Variants in AHCYL2 observed in about 807,000 individuals in gnomAD.
AHCYL2 encodes the protein adenosylhomocysteinase like 2.
AHCYL2 carries 28 observed loss-of-function variants against 81.4 expected under a neutral mutation model. The ratio of observed to expected loss-of-function variants is 0.34; its 90% CI spans 0.25 to 0.47. The LOEUF (loss-of-function observed/expected upper bound fraction) is 0.47. Among genes scored for constraint, AHCYL2 ranks in the 20% least tolerant of loss-of-function variants. The probability of loss-of-function intolerance (pLI) is 1.00; values close to 1 mark genes in which losing one functional copy is unlikely to be tolerated. For synonymous variants in AHCYL2, 272 were observed against 290.2 expected (o/e 0.94, Z 0.64); for missense variants, 551 against 785.1 (o/e 0.70, Z 3.56).
chr7:129,233,946 G>A (rs1424938411), intron 1 of AHCYL2, among the ~76,000 whole-genome samples: 1 of 151,944 alleles, frequency 6.6e-6, no homozygotes, highest in East Asian at 1.9e-4. Context: ...CCTTCATTCT[G>A]TCAAGACCAA....
intron 1 of AHCYL2, among the ~76,000 whole-genome samples, chr7:129,331,450 G>A (rs1798417720): frequency 6.6e-6 from 1 of 152,158 alleles, no homozygotes; most frequent in Non-Finnish European, 1.5e-5. Context: ...CATTTATTCA[G>A]TGGACTACTA....
chr7:129,307,677 C>A (rs1393322559), intron 1 of AHCYL2, among the ~76,000 whole-genome samples: 1 of 151,774 alleles, frequency 6.6e-6, no homozygotes, highest in Admixed American at 6.6e-5. Flanking sequence ...CAGAAGGATT[C>A]TCTCCTCATA....
At chr7:129,320,420 G>A (rs1247823364) in intron 1 of AHCYL2, among the ~76,000 whole-genome samples, 1 of 152,114 alleles carries the variant, frequency 6.6e-6, no homozygotes, top group East Asian at 1.9e-4. Context: ...GGGTTCAAGC[G>A]ATTCTCCTGT....
chr7:129,394,929 A>G (rs932091769), intron 4 of AHCYL2, among the ~76,000 whole-genome samples: 4 of 152,172 alleles, frequency 2.6e-5, no homozygotes, highest in African/African-American at 7.2e-5. Context: ...TAGTTATTTT[A>G]TATCTCCTGT....
At chr7:129,421,461 AT>A (rs1321875910) in intron 12 of AHCYL2, among the ~76,000 whole-genome samples, 1 of 152,184 alleles carries the variant, frequency 6.6e-6, no homozygotes, top group Non-Finnish European at 1.5e-5. Flanking sequence ...TTGGGCACTT[AT>A]ATTTCTGAAC....
chr7:129,382,558 C>T (rs1163638393), intron 2 of AHCYL2, among the ~76,000 whole-genome samples: 1 of 151,982 alleles, frequency 6.6e-6, no homozygotes, highest in Non-Finnish European at 1.5e-5. Context: ...CAAGATTGTG[C>T]CACTGCACTT....
chr7:129,226,765 G>A (rs1477822700), intron 1 of AHCYL2, among the ~76,000 whole-genome samples: 1 of 152,156 alleles, frequency 6.6e-6, no homozygotes, highest in African/African-American at 2.4e-5. Flanking sequence ...ACTCCTCTGG[G>A]AAGAATTAGA....
At chr7:129,358,204 T>C (rs1793805931) in intron 1 of AHCYL2, among the ~76,000 whole-genome samples, 2 of 151,658 alleles carry the variant, frequency 1.3e-5, no homozygotes, top group Non-Finnish European at 2.9e-5. Context: ...CCATCCTGGC[T>C]AACACGATGA....
chr7:129,279,285 GA>G (rs1385620598), intron 1 of AHCYL2, among the ~76,000 whole-genome samples: 1 of 151,678 alleles, frequency 6.6e-6, no homozygotes, highest in Non-Finnish European at 1.5e-5. Flanking sequence ...GAGTAGCTGG[GA>G]TTACAGACGC....
chr7:129,394,680 G>A (rs905058612), intron 4 of AHCYL2, among the ~76,000 whole-genome samples: 3 of 151,954 alleles, frequency 2.0e-5, no homozygotes, highest in East Asian at 3.9e-4. Context: ...CCCGACCCCA[G>A]GTGATCTGCC....
rs1797392212 is a variant in AHCYL2 at position 129,426,971 on chromosome 7, G to A, written c.1830-68G>A. ...TGCCTCCCTGTTACACCTTTAGGCAGGCTCTTCATGTCCCAGCATCCCCAT... is the reference window on the plus strand; with the variant it reads ...TGCCTCCCTGTTACACCTTTAGGCAAGCTCTTCATGTCCCAGCATCCCCAT... On this transcript the variant is annotated intron_variant, in intron 16 of 16. Transcript: ENST00000325006. The surrounding 1 kb of genome is among the most constrained non-coding windows in gnomAD (Gnocchi z 4.3). The A allele has an allele frequency of 1.3e-6, 2 of 1,525,098 alleles. No homozygotes were observed. The highest frequency in any genetic ancestry group is 1.8e-6 in the Non-Finnish European group (2 of 1,102,244). The allele number at this position is 1,525,098 out of a possible 1,614,324, so 94.5% of individuals were successfully genotyped here.
At chr7:129,271,416 G>A (rs1287520207) in intron 1 of AHCYL2, among the ~76,000 whole-genome samples, 3 of 148,794 alleles carry the variant, frequency 2.0e-5, no homozygotes, top group East Asian at 3.9e-4. Context: ...TATAGTCACT[G>A]AAACTTAAAA....
intron 1 of AHCYL2, among the ~76,000 whole-genome samples, chr7:129,231,091 G>A (rs371019787): frequency 1.3e-5 from 2 of 152,036 alleles, no homozygotes; most frequent in South Asian, 4.1e-4. Flanking sequence ...AATTAGCTGG[G>A]CATGGTGGTG....
chr7:129,401,424 A>G (rs1584885312), intron 6 of AHCYL2, among the ~76,000 whole-genome samples: 1 of 151,750 alleles, frequency 6.6e-6, no homozygotes, highest in African/African-American at 2.4e-5. Flanking sequence ...GAGGGGGCAG[A>G]AATTAGGGAA....
Position 129,403,405 on chromosome 7 carries a change from C to T in AHCYL2, c.945C>T (p.Thr315=). 2 of 1,609,214 alleles carry T rather than the reference C, an allele frequency of 1.2e-6. No homozygotes were observed. The highest frequency in any genetic ancestry group is 8.5e-7 in the Non-Finnish European group (1 of 1,177,504). The change falls in exon 7 of 17, where the codon ACC becomes ACT. Residue 315 remains threonine (T), a synonymous_variant. Coordinates refer to ENST00000325006, the MANE Select transcript of AHCYL2 (RefSeq NM_015328.4). The stretch of plus-strand genomic sequence containing the variant: ...TCTTGGATGATGGAGGGGATCTTAC[C>T]CACTGGATTTATAAAAAGTATCCCA... The part of the protein sequence containing the change: ...NMILDDGGDL[T]HWIYKKYPNM...
intron 1 of AHCYL2, among the ~76,000 whole-genome samples, chr7:129,230,692 C>T (rs772786963): frequency 6.6e-5 from 10 of 151,718 alleles, no homozygotes; most frequent in Non-Finnish European, 1.0e-4. Context: ...TCTGCCTCAG[C>T]CTCCCGAGTA....
intron 1 of AHCYL2, among the ~76,000 whole-genome samples, chr7:129,230,327 C>A (rs939627962): frequency 9.2e-5 from 14 of 151,858 alleles, no homozygotes; most frequent in Non-Finnish European, 1.8e-4. Flanking sequence ...CGTGATCCAC[C>A]CGCCTCAGCC....
At chr7:129,395,991 T>C (rs1253921498) in intron 4 of AHCYL2, among the ~76,000 whole-genome samples, 1 of 152,252 alleles carries the variant, frequency 6.6e-6, no homozygotes, top group Non-Finnish European at 1.5e-5. Context: ...TGTCACTCTT[T>C]GGAGGGCAGT....
chr7:129,406,602 A>T lies in AHCYL2; in HGVS notation c.1295+136A>T. Reference sequence around the variant, plus strand: ...CACTAACTCTAAGCATCTGTCTTTTAAAAAGGTCAAGGAGCTCTGCTTGGA... The same window carrying T: ...CACTAACTCTAAGCATCTGTCTTTTTAAAAGGTCAAGGAGCTCTGCTTGGA... On this transcript the variant is annotated intron_variant, in intron 10 of 16. Transcript: ENST00000325006. This position sits in a 1 kb window ranked among gnomAD's most constrained non-coding sequence, Gnocchi z 4.3. 2.4e-6 allele frequency: 2 copies of T among 850,898 alleles called. No homozygotes were observed. 52.7% of individuals were successfully genotyped at this position (850,898 alleles called of 1,614,324 possible). A position where few individuals can be genotyped will look rare whatever the true frequency, so the allele number is the denominator to read the frequency against.
Sources: gnomAD v4.1 joint callset for allele counts (sites outside exome capture counted in the v4.1 genomes callset) on GRCh38, gnomAD v4.1.1 for gene constraint, Gnocchi (gnomAD v3.1) non-coding constraint, MANE v1.5 for transcripts, NCBI Gene and HGNC (gene_info 2026-07-23, HGNC 2026-07-21) for gene names.